The following RIMS1 variants were observed in gnomAD, a reference collection of about 807,000 sequenced individuals.
RIMS1 encodes regulating synaptic membrane exocytosis 1.
In RIMS1, 83 loss-of-function variants were observed where a neutral mutation model predicts 214.1. That is an observed-to-expected ratio of 0.39 (90% CI 0.32 to 0.47). The LOEUF (loss-of-function observed/expected upper bound fraction) is 0.47. Among genes scored for constraint, RIMS1 ranks in the 20% least tolerant of loss-of-function variants. RIMS1 has a pLI of 0.99. For missense variants in RIMS1, 2,050 were observed against 2,161.8 expected, an observed-to-expected ratio of 0.95 and a Z score of 1.03; for synonymous variants, 793 against 786.8, an observed-to-expected ratio of 1.01 and a Z score of -0.13.
At chr6:71,942,279 A>G (rs1184812064) in intron 1 of RIMS1, among the ~76,000 whole-genome samples, 4 of 152,226 alleles carry the variant, frequency 2.6e-5, no homozygotes, top group Non-Finnish European at 5.9e-5. Flanking sequence ...TGCCATTAAT[A>G]TAAGAATTAA....
intron 1 of RIMS1, among the ~76,000 whole-genome samples, chr6:71,951,479 T>TTTTTC (rs1554151337): frequency 8.4e-6 from 1 of 119,264 alleles, no homozygotes; most frequent in Non-Finnish European, 1.7e-5. Flanking sequence ...TTTCTTTTTC[T>TTTTTC]TTTTTTTTTT....
chr6:72,126,844 T>C (rs1025010025), intron 4 of RIMS1: 2 of 160,694 alleles, frequency 1.2e-5, no homozygotes, highest in African/African-American at 4.8e-5. Flanking sequence ...GAAGGTAAAC[T>C]AGTACAACTA....
chr6:72,397,799 T>C lies in RIMS1; in HGVS notation c.4619-450T>C, dbSNP rs527279027. 7.9e-5 allele frequency among the ~76,000 whole-genome samples: 12 copies of C among 152,188 alleles called. No individual in the cohort carries two copies. The South Asian group carries it at 2.5e-3, about 32-fold the overall frequency. Reference sequence around the variant, plus strand: ...GTGTATGATCATGATTGCTGATAGATAGATAAATAGATAGATAGACAGACA... The same window carrying C: ...GTGTATGATCATGATTGCTGATAGACAGATAAATAGATAGATAGACAGACA... On this transcript the variant is annotated intron_variant, in intron 31 of 33. Transcript: ENST00000521978.
At chr6:72,169,288 A>G (rs1044723986) in intron 4 of RIMS1, among the ~76,000 whole-genome samples, 3 of 152,240 alleles carry the variant, frequency 2.0e-5, no homozygotes, top group African/African-American at 7.2e-5. Flanking sequence ...ATAATGCATT[A>G]CACAAATATT....
intron 2 of RIMS1, among the ~76,000 whole-genome samples, chr6:72,069,961 C>T (rs777609918): frequency 6.6e-6 from 1 of 152,190 alleles, no homozygotes; most frequent in Non-Finnish European, 1.5e-5. Flanking sequence ...CCCAGGAAAA[C>T]ATGTATGACA....
chr6:72,017,111 A>G (rs572506535), intron 2 of RIMS1, among the ~76,000 whole-genome samples: 2 of 152,328 alleles, frequency 1.3e-5, no homozygotes, highest in East Asian at 3.9e-4. Context: ...TGGTATAGAC[A>G]TAGGCAGAGA....
chr6:72,150,935 T>C (rs994086470), intron 4 of RIMS1, among the ~76,000 whole-genome samples: 1 of 152,254 alleles, frequency 6.6e-6, no homozygotes, highest in Non-Finnish European at 1.5e-5. Context: ...ATTATTGTTA[T>C]ATTTGGTTTA....
intron 29 of RIMS1, among the ~76,000 whole-genome samples, chr6:72,340,729 T>G (rs2097047951): frequency 6.6e-6 from 1 of 152,094 alleles, no homozygotes. Flanking sequence ...TGCCTCCAGC[T>G]TTGTTCTTTT....
At chr6:72,395,415 A>G (rs1279114707) in intron 31 of RIMS1, among the ~76,000 whole-genome samples, 1 of 152,068 alleles carries the variant, frequency 6.6e-6, no homozygotes, top group Non-Finnish European at 1.5e-5. Context: ...AAAATAAAAA[A>G]CATGATGGAG....
chr6:71,911,798 A>G (rs956601216), intron 1 of RIMS1, among the ~76,000 whole-genome samples: 20 of 152,212 alleles, frequency 1.3e-4, no homozygotes, highest in Admixed American at 3.3e-4. Context: ...GGTCCTGATG[A>G]GTCAGTATAT....
At chr6:72,060,007 C>T (rs941864704) in intron 2 of RIMS1, among the ~76,000 whole-genome samples, 1 of 152,026 alleles carries the variant, frequency 6.6e-6, no homozygotes, top group African/African-American at 2.4e-5. Context: ...GGCACGATCT[C>T]AGCTCACCAC....
At chr6:72,045,524 T>TA (rs1242678237) in intron 2 of RIMS1, among the ~76,000 whole-genome samples, 2 of 152,020 alleles carry the variant, frequency 1.3e-5, no homozygotes, top group African/African-American at 2.4e-5. Context: ...TTGTAATTAT[T>TA]AAAAAAGCTA....
intron 2 of RIMS1, among the ~76,000 whole-genome samples, chr6:72,001,089 A>T (rs1388783198): frequency 6.6e-6 from 1 of 152,142 alleles, no homozygotes; most frequent in East Asian, 1.9e-4. Flanking sequence ...TAAGGTCATC[A>T]ATTTCACTCA....
chr6:71,924,352 A>G (rs936428940), intron 1 of RIMS1, among the ~76,000 whole-genome samples: 19 of 152,162 alleles, frequency 1.2e-4, no homozygotes, highest in Admixed American at 1.2e-3. Flanking sequence ...TGGTAATATC[A>G]TCTGCAGGGA....
At chr6:72,083,181 C>T (rs558912618) in intron 2 of RIMS1, among the ~76,000 whole-genome samples, 3 of 152,138 alleles carry the variant, frequency 2.0e-5, no homozygotes, top group Admixed American at 1.3e-4. Context: ...AAGTCTTTCA[C>T]GTTAAAATTT....
At chr6:72,145,171 T>A (rs769318348) in intron 4 of RIMS1, among the ~76,000 whole-genome samples, 3 of 152,232 alleles carry the variant, frequency 2.0e-5, no homozygotes, top group Non-Finnish European at 4.4e-5. Context: ...AAATTGGCTT[T>A]GATGGAATTC....
rs184345080 is a variant in RIMS1, at chr6:72,227,304, A to T, written c.1679-6469A>T. On this transcript the variant is annotated intron_variant, in intron 6 of 33. Transcript: ENST00000521978. ...AATGCTTATAATTATATAAAAATGC[A>T]AAATGTTTTTAGTATACATTTTTAT... Among the ~76,000 whole-genome samples the T allele has an allele frequency of 3.9e-5, 6 of 152,154 alleles. No homozygotes were observed. The East Asian group carries it at 1.2e-3, about 29-fold the overall frequency.
intron 28 of RIMS1, among the ~76,000 whole-genome samples, chr6:72,320,872 T>C (rs1355116481): frequency 2.0e-5 from 3 of 152,056 alleles, no homozygotes; most frequent in Admixed American, 2.0e-4. Context: ...ATATGTTCAA[T>C]TTAAAGCAAT....
At chr6:72,143,871 A>G (rs905130638) in intron 4 of RIMS1, among the ~76,000 whole-genome samples, 2 of 152,218 alleles carry the variant, frequency 1.3e-5, no homozygotes, top group Non-Finnish European at 2.9e-5. Context: ...TTCTTGAATG[A>G]AAACTCTGAG....
Sources: gnomAD v4.1 joint callset for allele counts (sites outside exome capture counted in the v4.1 genomes callset) on GRCh38, gnomAD v4.1.1 for gene constraint, MANE v1.5 for transcripts, NCBI Gene and HGNC (gene_info 2026-07-23, HGNC 2026-07-21) for gene names.